The following LHFPL2 variants were observed in gnomAD, a reference collection of about 807,000 sequenced individuals.
LHFPL2 encodes the protein LHFPL tetraspan subfamily member 2 protein.
A neutral mutation model predicts 17.5 loss-of-function variants in LHFPL2; 7 were observed. The observed-to-expected ratio is 0.40, with a 90% CI of 0.23 to 0.75. LHFPL2 has a LOEUF of 0.75. LHFPL2 is among the 30% of genes least tolerant of loss of function. LHFPL2 has a pLI of 0.37. For synonymous variants in LHFPL2, 134 were observed against 116.2 expected (o/e 1.15, Z -0.99); for missense variants, 241 against 294.8 (o/e 0.82, Z 1.34).
At chr5:78,490,654 A>C (rs1754409149) in intron 4 of LHFPL2, among the ~76,000 whole-genome samples, 1 of 150,780 alleles carries the variant, frequency 6.6e-6, no homozygotes, top group South Asian at 2.1e-4. Context: ...AGGCTGAGGC[A>C]GAAGAATCGC....
chr5:78,570,347 G>T (rs1300457651), intron 2 of LHFPL2, among the ~76,000 whole-genome samples: 1 of 152,178 alleles, frequency 6.6e-6, no homozygotes, highest in Admixed American at 6.5e-5. Context: ...GGCATGAGAA[G>T]AAAGCGCAGG....
intron 3 of LHFPL2, among the ~76,000 whole-genome samples, chr5:78,530,480 C>T (rs1755749641): frequency 6.6e-6 from 1 of 152,148 alleles, no homozygotes. Flanking sequence ...GTGAGTTCTC[C>T]CTAGATATGA....
At chr5:78,631,354 C>T (rs1745240132) in intron 2 of LHFPL2, among the ~76,000 whole-genome samples, 1 of 152,156 alleles carries the variant, frequency 6.6e-6, no homozygotes, top group Non-Finnish European at 1.5e-5. Context: ...CCACAGGTTG[C>T]CATTTAGTGC....
chr5:78,623,749 T>G (rs1217755255), intron 2 of LHFPL2, among the ~76,000 whole-genome samples: 1 of 152,202 alleles, frequency 6.6e-6, no homozygotes, highest in East Asian at 1.9e-4. Context: ...AAATAAGCCA[T>G]TTTTTATTAA....
intron 3 of LHFPL2, among the ~76,000 whole-genome samples, chr5:78,523,113 T>G (rs1580772656): frequency 1.6e-5 from 1 of 61,680 alleles, no homozygotes; most frequent in African/African-American, 8.8e-5. Context: ...GTGTCTGTGG[T>G]GTGTGTGTGT....
intron 2 of LHFPL2, among the ~76,000 whole-genome samples, chr5:78,617,300 G>A (rs1260209505): frequency 6.6e-6 from 1 of 152,162 alleles, no homozygotes; most frequent in Non-Finnish European, 1.5e-5. Flanking sequence ...AAAGTGCAGG[G>A]ATTACAGGCA....
At chr5:78,586,891 A>C (rs746499806) in intron 2 of LHFPL2, among the ~76,000 whole-genome samples, 39 of 152,120 alleles carry the variant, frequency 2.6e-4, no homozygotes, top group Non-Finnish European at 3.4e-4. Flanking sequence ...ATATACCAAC[A>C]CTTGGAATAG....
chr5:78,618,555 G>T (rs1744704776), intron 2 of LHFPL2, among the ~76,000 whole-genome samples: 1 of 152,238 alleles, frequency 6.6e-6, no homozygotes, highest in Admixed American at 6.5e-5. Flanking sequence ...TGCCATGATG[G>T]CCTTAGGGGA....
chr5:78,538,341 T>G (rs1580787586), intron 3 of LHFPL2, among the ~76,000 whole-genome samples: 1 of 152,210 alleles, frequency 6.6e-6, no homozygotes, highest in African/African-American at 2.4e-5. Flanking sequence ...ATTAAACATT[T>G]TTTTAAATTA....
chr5:78,596,869 T>C (rs1325444914), intron 2 of LHFPL2, among the ~76,000 whole-genome samples: 1 of 152,184 alleles, frequency 6.6e-6, no homozygotes, highest in Admixed American at 6.5e-5. Flanking sequence ...AATTTTTGCC[T>C]TCTTCCCATT....
intron 1 of LHFPL2, among the ~76,000 whole-genome samples, chr5:78,645,758 T>G (rs1213313592): frequency 6.6e-6 from 1 of 152,166 alleles, no homozygotes; most frequent in Non-Finnish European, 1.5e-5. Context: ...AATTTTTGTC[T>G]TTTTAGTAGA....
intron 2 of LHFPL2, among the ~76,000 whole-genome samples, chr5:78,589,467 CA>C (rs35349495): frequency 1.4e-3 from 185 of 131,468 alleles, no homozygotes; most frequent in Admixed American, 1.7e-3. Context: ...AACTCCATCT[CA>C]AAAAAAAAAA....
chr5:78,506,570 T>C (rs1754937999), intron 4 of LHFPL2, among the ~76,000 whole-genome samples: 1 of 152,228 alleles, frequency 6.6e-6, no homozygotes, highest in Non-Finnish European at 1.5e-5. Flanking sequence ...AAGCCAGCCC[T>C]TTCAGATGCC....
chr5:78,569,868 A>C (rs906818061), intron 2 of LHFPL2, among the ~76,000 whole-genome samples: 6 of 152,226 alleles, frequency 3.9e-5, no homozygotes, highest in African/African-American at 1.4e-4. Context: ...CTTGATTCAA[A>C]CATTATCCCA....
chr5:78,615,075 A>G (rs947009791), intron 2 of LHFPL2, among the ~76,000 whole-genome samples: 1 of 152,156 alleles, frequency 6.6e-6, no homozygotes. Flanking sequence ...TCCACCTACA[A>G]TGGGGGCAGT....
intron 2 of LHFPL2, among the ~76,000 whole-genome samples, chr5:78,597,061 A>G (rs952723797): frequency 4.6e-5 from 7 of 152,238 alleles, no homozygotes; most frequent in African/African-American, 7.2e-5. Context: ...GTTCTCAGCC[A>G]TTGTTTCCAT....
chr5:78,585,127 C>T (rs1743332528), intron 2 of LHFPL2, among the ~76,000 whole-genome samples: 1 of 110,232 alleles, frequency 9.1e-6, no homozygotes, highest in African/African-American at 3.2e-5. Context: ...CTGCCTCAGC[C>T]TCCCAAGTAG....
intron 2 of LHFPL2, among the ~76,000 whole-genome samples, chr5:78,578,591 A>G (rs952640128): frequency 2.3e-5 from 3 of 130,262 alleles, no homozygotes; most frequent in East Asian, 2.0e-4. Context: ...ATGTGCACAC[A>G]CACACACACA....
At chr5:78,540,369 GA>G (rs1181789550) in intron 3 of LHFPL2, among the ~76,000 whole-genome samples, 1 of 152,206 alleles carries the variant, frequency 6.6e-6, no homozygotes, top group East Asian at 1.9e-4. Context: ...CTGCAAAACT[GA>G]TGGAAAAAAC....
Sources: allele counts gnomAD v4.1 joint callset (sites outside exome capture counted in the v4.1 genomes callset), GRCh38; gene constraint gnomAD v4.1.1; transcripts MANE v1.5; gene names NCBI Gene and HGNC (gene_info 2026-07-23, HGNC 2026-07-21).